TRPM3: variants seen among roughly 807,000 people sequenced by gnomAD.
TRPM3 encodes long transient receptor potential channel 3.
A neutral mutation model predicts 181.2 loss-of-function variants in TRPM3; 77 were observed. The ratio of observed to expected loss-of-function variants is 0.42; its 90% confidence interval spans 0.35 to 0.51. TRPM3 has a LOEUF of 0.51. TRPM3 is among the 20% of genes least tolerant of loss of function. TRPM3 has a pLI of 0.01. For missense variants in TRPM3, 1,759 were observed against 2,196.7 expected, an observed-to-expected ratio of 0.80 and a Z score of 3.98; for synonymous variants, 745 against 796.4, an observed-to-expected ratio of 0.94 and a Z score of 1.09.
intron 1 of TRPM3, among the ~76,000 whole-genome samples, chr9:71,010,178 T>A (rs993638930): frequency 2.0e-5 from 3 of 152,082 alleles, no homozygotes; most frequent in Non-Finnish European, 1.5e-5. Context: ...TGGTCAAGGA[T>A]TTTTGGAGTA....
chr9:71,196,330 G>C (rs183407251), intron 1 of TRPM3, among the ~76,000 whole-genome samples: 101 of 151,594 alleles, frequency 6.7e-4, no homozygotes, highest in African/African-American at 2.4e-3. Context: ...ACACACATGC[G>C]ATCACCAAAT....
chr9:70,600,042 T>G (rs1316349020), intron 20 of TRPM3, among the ~76,000 whole-genome samples: 1 of 152,226 alleles, frequency 6.6e-6, no homozygotes, highest in Non-Finnish European at 1.5e-5. Flanking sequence ...TCCAGTTCCT[T>G]GCATATCCTA....
chr9:70,690,072 A>G (rs551459106), intron 8 of TRPM3, among the ~76,000 whole-genome samples: 13 of 152,288 alleles, frequency 8.5e-5, no homozygotes, highest in African/African-American at 3.1e-4. Context: ...ATGAAGATGT[A>G]GTAGAGCTTT....
At chr9:71,155,640 C>T (rs1042299825) in intron 1 of TRPM3, among the ~76,000 whole-genome samples, 2 of 151,970 alleles carry the variant, frequency 1.3e-5, no homozygotes, top group African/African-American at 4.8e-5. Flanking sequence ...CAGGCCTGAG[C>T]CACTGTGCCT....
At chr9:71,182,997 T>C (rs1379873065) in intron 1 of TRPM3, among the ~76,000 whole-genome samples, 2 of 152,100 alleles carry the variant, frequency 1.3e-5, no homozygotes, top group East Asian at 1.9e-4. Context: ...GGGAATAAAA[T>C]TATTTAACTC....
At chr9:70,566,717 T>G (rs62545464) in intron 22 of TRPM3, among the ~76,000 whole-genome samples, 40,512 of 151,924 alleles carry the variant, frequency 0.27, 5,642 homozygotes, top group Admixed American at 0.33. Context: ...TGTACCTAGT[T>G]GGGGGAGATC....
intron 1 of TRPM3, among the ~76,000 whole-genome samples, chr9:71,336,843 G>C (rs1189134492): frequency 6.6e-6 from 1 of 152,100 alleles, no homozygotes; most frequent in Non-Finnish European, 1.5e-5. Flanking sequence ...ACAAAAACAA[G>C]CAATGGGGAA....
At chr9:71,383,355 T>C (rs2092848240) in intron 1 of TRPM3, among the ~76,000 whole-genome samples, 1 of 152,172 alleles carries the variant, frequency 6.6e-6, no homozygotes, top group African/African-American at 2.4e-5. Flanking sequence ...TTTGTGCCCT[T>C]GTAAACTGAC....
chr9:70,559,317 T>C (rs2048490615), intron 22 of TRPM3, among the ~76,000 whole-genome samples: 1 of 152,206 alleles, frequency 6.6e-6, no homozygotes, highest in Admixed American at 6.5e-5. Flanking sequence ...TCACTGGGTG[T>C]CTATTTTCCT....
intron 3 of TRPM3, among the ~76,000 whole-genome samples, chr9:70,850,397 C>T (rs1046489689): frequency 2.0e-5 from 3 of 151,714 alleles, no homozygotes; most frequent in African/African-American, 7.3e-5. Flanking sequence ...TTATAAGAGA[C>T]ATATTTATAA....
chr9:71,435,524 G>T (rs1212821695), intron 1 of TRPM3, among the ~76,000 whole-genome samples: 1 of 152,084 alleles, frequency 6.6e-6, no homozygotes, highest in African/African-American at 2.4e-5. Flanking sequence ...AGTGTGCAAG[G>T]AACCTCATCT....
chr9:70,822,105 A>G (rs2093221849), intron 6 of TRPM3, among the ~76,000 whole-genome samples: 1 of 152,234 alleles, frequency 6.6e-6, no homozygotes, highest in Non-Finnish European at 1.5e-5. Flanking sequence ...AGCTATGTTT[A>G]GAGAATCACC....
At chr9:70,930,349 T>A (rs1399411077) in intron 1 of TRPM3, among the ~76,000 whole-genome samples, 1 of 152,194 alleles carries the variant, frequency 6.6e-6, no homozygotes, top group Non-Finnish European at 1.5e-5. Context: ...TACATAATAA[T>A]CTATGTGTTG....
At chr9:70,900,155 A>G (rs927138636) in intron 1 of TRPM3, among the ~76,000 whole-genome samples, 4 of 152,188 alleles carry the variant, frequency 2.6e-5, no homozygotes, top group Non-Finnish European at 5.9e-5. Flanking sequence ...CAAGAAATAC[A>G]TCTCTAGAAA....
chr9:70,796,828 G>A (rs2087175190), intron 6 of TRPM3, among the ~76,000 whole-genome samples: 1 of 152,084 alleles, frequency 6.6e-6, no homozygotes, highest in African/African-American at 2.4e-5. Context: ...TGACATTTGG[G>A]GTACAAAGGA....
chr9:70,887,975 G>A (rs1488806953), intron 1 of TRPM3, among the ~76,000 whole-genome samples: 3 of 152,206 alleles, frequency 2.0e-5, no homozygotes, highest in African/African-American at 7.2e-5. Flanking sequence ...ATGATGAGTT[G>A]TTGTTTTTAT....
At chr9:71,145,870 T>TC (rs1238449782) in intron 1 of TRPM3, among the ~76,000 whole-genome samples, 1 of 151,688 alleles carries the variant, frequency 6.6e-6, no homozygotes, top group African/African-American at 2.4e-5. Flanking sequence ...ACATTAAAAT[T>TC]CCCCCCTCAT....
Position 70,832,134 on chromosome 9 carries a change from G to A in TRPM3, c.802-4116C>T, listed in dbSNP as rs866118699. Among the ~76,000 whole-genome samples the A allele has an allele frequency of 8.7e-3, 1,039 of 119,298 alleles. 19 individuals carry two copies. Among genetic ancestry groups the A allele is most frequent in the African/African-American group, 0.032 (975 of 30,264 alleles). 78.3% of individuals were successfully genotyped at this position (119,298 alleles called of 152,430 possible). A position where few individuals can be genotyped will look rare whatever the true frequency, so the allele number is the denominator to read the frequency against. On this transcript the variant is annotated intron_variant, in intron 5 of 25. Transcript: ENST00000677713. ...AGGAAGGGGAACATCACACTCTGGG[G>A]ACTGTTGTGGGGTGGGGGGAGGGGG...
chr9:71,403,700 C>T (rs182564510), intron 1 of TRPM3, among the ~76,000 whole-genome samples: 17 of 152,110 alleles, frequency 1.1e-4, no homozygotes, highest in African/African-American at 4.8e-5. Context: ...ACGGAGGGGG[C>T]GATCTGAACC....
Sources: gnomAD v4.1 joint callset for allele counts (sites outside exome capture counted in the v4.1 genomes callset) on GRCh38, gnomAD v4.1.1 for gene constraint, MANE v1.5 for transcripts, NCBI Gene and HGNC (gene_info 2026-07-23, HGNC 2026-07-21) for gene names.